Variants in NDUFS1 observed in about 807,000 individuals in gnomAD.
NDUFS1 encodes NADH-ubiquinone oxidoreductase 75 kDa subunit, mitochondrial.
Under a neutral mutation model 84.4 loss-of-function variants are expected in NDUFS1, and 61 were observed. That is an observed-to-expected ratio of 0.72 (90% CI 0.59 to 0.89). NDUFS1 has a LOEUF of 0.89. Ranked by LOEUF, NDUFS1 falls within the 40% of genes least tolerant of loss-of-function variation. The probability of loss-of-function intolerance (pLI) is 0.00; values close to 1 mark genes in which losing one functional copy is unlikely to be tolerated. For synonymous variants in NDUFS1, 275 were observed against 290.0 expected (o/e 0.95, Z 0.53); for missense variants, 891 against 890.0 (o/e 1.00, Z -0.01).
rs1000160517 is a variant in NDUFS1, at chr2:206,119,430, GAC to G, written c.*4753_*4754del. On this transcript the variant is annotated 3_prime_UTR_variant, in exon 19 of 19. Transcript: ENST00000233190. ...ATTTTTTAATTTTTACTTTTTTTCA[GAC>G]AGAGTCTCACTCTGTCACCCAGGCT... 4 of 151,990 alleles carry G rather than the reference GAC, an allele frequency of 2.6e-5. No homozygotes were observed. The highest frequency in any genetic ancestry group is 9.7e-5 in the African/African-American group (4 of 41,358). The allele number at this position is 151,990 out of a possible 1,614,324, so 9.4% of individuals were successfully genotyped here.
In NDUFS1 at chr2:206,130,345, CATTTT is replaced by C. The variant is rs201269060; in HGVS notation, c.1554-108_1554-104del. On this transcript the variant is annotated intron_variant, in intron 14 of 18. Coordinates refer to ENST00000233190, the MANE Select transcript of NDUFS1 (RefSeq NM_005006.7). ...TTCCTTTCAACAATGTCAAAAAACCCATTTTATTTTATTTTATTTTTTTCTCGGCG... is the reference window on the plus strand; with the variant it reads ...TTCCTTTCAACAATGTCAAAAAACCCATTTTATTTTATTTTTTTCTCGGCG... 81 of 1,391,260 alleles carry C rather than the reference CATTTT, an allele frequency of 5.8e-5. 1 individual carries two copies. The South Asian group carries it at 8.0e-4, about 14-fold the overall frequency. The allele number at this position is 1,391,260 out of a possible 1,614,324, so 86.2% of individuals were successfully genotyped here.
At chr2:206,140,930 A>ATG (rs1691915212) in intron 12 of NDUFS1, among the ~76,000 whole-genome samples, 1 of 134,734 alleles carries the variant, frequency 7.4e-6, no homozygotes, top group Non-Finnish European at 1.6e-5. Flanking sequence ...GTGTATATAT[A>ATG]TATATATATA....
chr2:206,139,970 T>C lies in NDUFS1; in HGVS notation c.1263-1356A>G, dbSNP rs117348496. 1.5e-3 allele frequency among the ~76,000 whole-genome samples: 227 copies of C among 148,070 alleles called. No individual in the cohort carries two copies. The East Asian group carries it at 0.02, about 13-fold the overall frequency. On this transcript the variant is annotated intron_variant, in intron 12 of 18. Coordinates refer to ENST00000233190, the MANE Select transcript of NDUFS1 (RefSeq NM_005006.7). Reference sequence around the variant, plus strand: ...AATGGATCCTGAGGAAACAAAAAAATTGCTATAAAAGAAATTATGAAAAAA... The same window carrying C: ...AATGGATCCTGAGGAAACAAAAAAACTGCTATAAAAGAAATTATGAAAAAA...
intron 4 of NDUFS1, 135 bp from the exon 5 acceptor site, chr2:206,149,231 T>G (rs768792871): frequency 5.7e-6 from 4 of 700,886 alleles, no homozygotes; most frequent in Non-Finnish European, 9.5e-6. Flanking sequence ...TAGGGTATTT[T>G]TTAAAACTGA....
chr2:206,144,296 C>G (rs756186610), intron 9 of NDUFS1, among the ~76,000 whole-genome samples, 164 bp from the exon 10 acceptor site: 4 of 152,128 alleles, frequency 2.6e-5, no homozygotes, highest in Non-Finnish European at 5.9e-5. Context: ...TAGAGATGAA[C>G]TAATAGATTT....
chr2:206,149,110 G>GA lies in NDUFS1; in HGVS notation c.262-15dup, dbSNP rs34184317. 0.018 allele frequency: 22,254 copies of GA among 1,246,786 alleles called. 6 individuals carry two copies. The highest frequency in any genetic ancestry group is 0.022 in the South Asian group (1,395 of 63,272). 77.2% of individuals were successfully genotyped at this position (1,246,786 alleles called of 1,614,324 possible). A position where few individuals can be genotyped will look rare whatever the true frequency, so the allele number is the denominator to read the frequency against. On this transcript the variant is annotated splice_polypyrimidine_tract_variant and intron_variant, in intron 4 of 18. Transcript: ENST00000233190. ...AGCAGCTACAACCTGGGATTTCAAT[G>GA]AAAAAAAAAAATGTGTATTTGTATT...
intron 15 of NDUFS1, among the ~76,000 whole-genome samples, chr2:206,129,841 A>C (rs867723877): frequency 4.2e-4 from 63 of 151,672 alleles, no homozygotes; most frequent in Middle Eastern, 3.2e-3. Flanking sequence ...ATCCACCCGC[A>C]CTGGCCTCCC....
chr2:206,154,506 T>C (rs1174145154), intron 1 of NDUFS1, among the ~76,000 whole-genome samples: 2 of 152,232 alleles, frequency 1.3e-5, no homozygotes, highest in Admixed American at 1.3e-4. Flanking sequence ...GTGCTGAAGT[T>C]GAGACACTGC....
chr2:206,152,703 C>CTTTTTTTTT, intron 2 of NDUFS1, among the ~76,000 whole-genome samples, 193 bp from the exon 3 acceptor site: 1 of 121,284 alleles, frequency 8.2e-6, no homozygotes, highest in Non-Finnish European at 1.7e-5. Context: ...CTTTCTTCTT[C>CTTTTTTTTT]TTTTTTTTTT....
chr2:206,140,943 T>TATATATACACACACACACACAC lies in NDUFS1; in HGVS notation c.1262+997_1262+998insGTGTGTGTGTGTGTGTATATAT, dbSNP rs367723817. On this transcript the variant is annotated intron_variant, in intron 12 of 18. Coordinates refer to ENST00000233190, the MANE Select transcript of NDUFS1 (RefSeq NM_005006.7). Reference sequence around the variant, plus strand: ...GTGTGTATATATATATATATATATATACACACACACTGAGAATCATAATAC... The same window carrying TATATATACACACACACACACAC: ...GTGTGTATATATATATATATATATATATATATACACACACACACACACACACACACACTGAGAATCATAATAC... Among the ~76,000 whole-genome samples, 847 of 136,052 alleles carry TATATATACACACACACACACAC rather than the reference T, an allele frequency of 6.2e-3. 12 individuals are homozygous for TATATATACACACACACACACAC. In the East Asian group the frequency reaches 0.067, roughly 11 times the overall value. The allele number at this position is 136,052 out of a possible 152,430, so 89.3% of individuals were successfully genotyped here.
chr2:206,134,375 T>C (rs1415918826), intron 13 of NDUFS1, among the ~76,000 whole-genome samples: 3 of 152,258 alleles, frequency 2.0e-5, no homozygotes, highest in African/African-American at 7.2e-5. Context: ...GGCTCAGGCC[T>C]GTAATCGCAA....
intron 15 of NDUFS1, among the ~76,000 whole-genome samples, chr2:206,128,342 T>C (rs2105946082): frequency 6.6e-6 from 1 of 152,090 alleles, no homozygotes; most frequent in Non-Finnish European, 1.5e-5. Context: ...ATTTTTTGTA[T>C]TTTTAGTAGA....
intron 3 of NDUFS1, 28 bp from the exon 4 acceptor site, chr2:206,149,953 A>G: frequency 1.4e-6 from 2 of 1,433,988 alleles, no homozygotes; most frequent in Non-Finnish European, 9.8e-7. Flanking sequence ...AAAAAAAAAA[A>G]AAAAAGCATT....
At chr2:206,144,832 T>C (rs968488418) in intron 9 of NDUFS1, 60 bp downstream of exon 9, 48 of 1,538,166 alleles carry the variant, frequency 3.1e-5, no homozygotes, top group Admixed American at 1.0e-4. Context: ...TTCTTCAAAA[T>C]TATTATAAAA....
intron 7 of NDUFS1, 109 bp downstream of exon 7, chr2:206,147,422 C>G (rs1286047537): frequency 1.8e-6 from 2 of 1,106,450 alleles, no homozygotes; most frequent in Non-Finnish European, 2.6e-6. Context: ...CATCCCTCTT[C>G]TCCCACCCAA....
chr2:206,153,049 A>G (rs534822809), intron 2 of NDUFS1, among the ~76,000 whole-genome samples: 1 of 152,276 alleles, frequency 6.6e-6, no homozygotes, highest in East Asian at 1.9e-4. Flanking sequence ...TCATGGGAAG[A>G]TCACTTTTCA....
chr2:206,148,665 C>G (rs971194337), intron 5 of NDUFS1, among the ~76,000 whole-genome samples: 1 of 152,110 alleles, frequency 6.6e-6, no homozygotes. Context: ...ACCGAATGAT[C>G]AAAAGTTGCT....
At chr2:206,147,968 A>G in intron 5 of NDUFS1, 134 bp from the exon 6 acceptor site, 1 of 809,782 alleles carries the variant, frequency 1.2e-6, no homozygotes, top group Non-Finnish European at 2.1e-6. Flanking sequence ...CTCAGGCTGC[A>G]GTGCAGTGGC....
chr2:206,129,310 T>A (rs1691415140), intron 15 of NDUFS1, among the ~76,000 whole-genome samples: 1 of 152,174 alleles, frequency 6.6e-6, no homozygotes, highest in Non-Finnish European at 1.5e-5. Flanking sequence ...TCACCCAGGC[T>A]GGAGTGCAGT....
Sources: gnomAD v4.1 joint callset for allele counts (sites outside exome capture counted in the v4.1 genomes callset) on GRCh38, gnomAD v4.1.1 for gene constraint, MANE v1.5 for transcripts, NCBI Gene and HGNC (gene_info 2026-07-23, HGNC 2026-07-21) for gene names.